COL13A1: variants seen among roughly 807,000 people sequenced by gnomAD.
COL13A1 encodes collagen alpha-1(XIII) chain.
A neutral mutation model predicts 130.9 loss-of-function variants in COL13A1; 89 were observed. The ratio of observed to expected loss-of-function variants is 0.68; its 90% CI spans 0.57 to 0.81. COL13A1 has a LOEUF of 0.81. Ranked by LOEUF, COL13A1 falls within the 30% of genes least tolerant of loss-of-function variation. The probability of loss-of-function intolerance (pLI) is 0.00; values close to 1 mark genes in which losing one functional copy is unlikely to be tolerated. For synonymous variants in COL13A1, 402 were observed against 341.6 expected (o/e 1.18, Z -1.95); for missense variants, 879 against 934.6 (o/e 0.94, Z 0.78).
At position 69,877,957 on chromosome 10, in the gene COL13A1, G is replaced by A. The variant is rs563739169; in HGVS notation, c.436-82G>A. On this transcript the variant is annotated intron_variant, in intron 5 of 40. Transcript: ENST00000645393. Reference sequence around the variant, plus strand: ...TTGTGCTATGAACATGGATTCTCGTGTGGGTGCCTCTTTCTCATCCCCTCT... The same window carrying A: ...TTGTGCTATGAACATGGATTCTCGTATGGGTGCCTCTTTCTCATCCCCTCT... 5 of 690,332 alleles carry A rather than the reference G, an allele frequency of 7.2e-6. 1 individual carries two copies. The highest frequency in any genetic ancestry group is 4.1e-5 in the Admixed American group (2 of 49,090). 42.8% of individuals were successfully genotyped at this position (690,332 alleles called of 1,614,324 possible).
At chr10:69,927,137 T>C (rs747245514) in intron 27 of COL13A1, 27 bp downstream of exon 27, 5 of 1,603,482 alleles carry the variant, frequency 3.1e-6, no homozygotes, top group East Asian at 2.2e-5. Flanking sequence ...CTGGCTTTCC[T>C]TGGGCACTGG....
At chr10:69,878,291 G>A (rs1416488009) in intron 6 of COL13A1, among the ~76,000 whole-genome samples, 6 of 152,174 alleles carry the variant, frequency 3.9e-5, no homozygotes, top group Non-Finnish European at 8.8e-5. Flanking sequence ...CAGCTGAGGA[G>A]GTCTTCCCTG....
intron 2 of COL13A1, among the ~76,000 whole-genome samples, chr10:69,836,228 T>A (rs1850015533): frequency 6.6e-6 from 1 of 152,222 alleles, no homozygotes; most frequent in African/African-American, 2.4e-5. Flanking sequence ...CAGTGGCTGC[T>A]GCAGAGACCC....
At chr10:69,931,844 G>C (rs1400796885) in intron 30 of COL13A1, among the ~76,000 whole-genome samples, 5 of 152,192 alleles carry the variant, frequency 3.3e-5, no homozygotes, top group Non-Finnish European at 7.4e-5. Context: ...TAGTTTCTGT[G>C]GGTCAGGAAT....
intron 33 of COL13A1, among the ~76,000 whole-genome samples, chr10:69,937,072 A>C (rs999952800): frequency 3.3e-5 from 5 of 152,182 alleles, no homozygotes; most frequent in Non-Finnish European, 7.3e-5. Flanking sequence ...CCCTTCACTC[A>C]TGCCGAGTAG....
chr10:69,870,860 T>G (rs1232476734), intron 3 of COL13A1, among the ~76,000 whole-genome samples: 1 of 151,314 alleles, frequency 6.6e-6, no homozygotes, highest in Non-Finnish European at 1.5e-5. Flanking sequence ...AAACAGAGCT[T>G]TGGCAAGGGT....
intron 1 of COL13A1, among the ~76,000 whole-genome samples, chr10:69,811,270 C>A (rs1348379049): frequency 2.6e-5 from 4 of 152,204 alleles, no homozygotes; most frequent in Non-Finnish European, 5.9e-5. Context: ...AGCAGGAGAA[C>A]CTTGCTGCCC....
intron 14 of COL13A1, among the ~76,000 whole-genome samples, chr10:69,899,761 A>G (rs1227736): frequency 0.99 from 151,420 of 152,302 alleles, 75,274 homozygotes; most frequent in Middle Eastern, 1. Flanking sequence ...TGGCTGGCCC[A>G]TGGCTGCCCC....
At chr10:69,871,722 G>A (rs1308059104) in intron 3 of COL13A1, among the ~76,000 whole-genome samples, 1 of 152,170 alleles carries the variant, frequency 6.6e-6, no homozygotes, top group African/African-American at 2.4e-5. Context: ...GTCTCTGGAG[G>A]GAGAAACCAA....
intron 17 of COL13A1, among the ~76,000 whole-genome samples, chr10:69,907,647 C>T (rs2062906283): frequency 6.6e-6 from 1 of 151,626 alleles, no homozygotes. Context: ...AACTAACCCA[C>T]TCTCATGATG....
At chr10:69,922,363 G>A (rs1158789333) in intron 22 of COL13A1, among the ~76,000 whole-genome samples, 1 of 152,148 alleles carries the variant, frequency 6.6e-6, no homozygotes, top group Non-Finnish European at 1.5e-5. Flanking sequence ...GGTCTGCAAA[G>A]CTTATTTAAT....
chr10:69,943,570 G>A (rs376044886), intron 35 of COL13A1, among the ~76,000 whole-genome samples: 1 of 152,160 alleles, frequency 6.6e-6, no homozygotes, highest in African/African-American at 2.4e-5. Context: ...TTCACCCCCC[G>A]ATCCAGCCAG....
intron 6 of COL13A1, 150 bp from the exon 7 acceptor site, chr10:69,880,353 G>A (rs953729426): frequency 5.4e-5 from 38 of 699,566 alleles, no homozygotes; most frequent in African/African-American, 1.9e-4. Flanking sequence ...GGCCCTCCAC[G>A]TCCCCTGGCA....
At chr10:69,919,862 G>T in intron 21 of COL13A1, 135 bp downstream of exon 21, 1 of 396,932 alleles carries the variant, frequency 2.5e-6, no homozygotes, top group Non-Finnish European at 4.4e-6. Context: ...GAGGGGAGTG[G>T]CAGGACGGCC....
chr10:69,875,006 C>T lies in COL13A1; in HGVS notation c.400-122C>T, dbSNP rs866588518. ...GATGCTTGGGCATCATACGGGATGTCGTCCCCGCTGCAAACTGGGTTAGCT... is the reference window on the plus strand; with the variant it reads ...GATGCTTGGGCATCATACGGGATGTTGTCCCCGCTGCAAACTGGGTTAGCT... On this transcript the variant is annotated intron_variant, in intron 4 of 40. Transcript: ENST00000645393. 15 of 1,151,642 alleles carry T rather than the reference C, an allele frequency of 1.3e-5. No homozygotes were observed. The Middle Eastern group carries it at 5.8e-4, about 44-fold the overall frequency. The allele number at this position is 1,151,642 out of a possible 1,614,324, so 71.3% of individuals were successfully genotyped here.
chr10:69,811,246 G>A (rs993199250), intron 1 of COL13A1, among the ~76,000 whole-genome samples: 2 of 152,012 alleles, frequency 1.3e-5, no homozygotes, highest in African/African-American at 4.8e-5. Flanking sequence ...TTTTTTATCC[G>A]CTCTTTGGGT....
At chr10:69,943,606 G>A (rs920967419) in intron 35 of COL13A1, among the ~76,000 whole-genome samples, 3 of 152,226 alleles carry the variant, frequency 2.0e-5, no homozygotes, top group Non-Finnish European at 4.4e-5. Context: ...AGTGGGGCGA[G>A]AAGGCCCCGG....
intron 39 of COL13A1, 110 bp downstream of exon 39, chr10:69,953,078 T>C: frequency 2.7e-6 from 2 of 731,686 alleles, no homozygotes; most frequent in Non-Finnish European, 4.1e-6. Context: ...TCTACACGGA[T>C]GCTACCAAAA....
intron 2 of COL13A1, among the ~76,000 whole-genome samples, chr10:69,845,968 G>T (rs1176263413): frequency 6.6e-6 from 1 of 152,240 alleles, no homozygotes; most frequent in Non-Finnish European, 1.5e-5. Context: ...TTTCCTGGAG[G>T]CAGGGACAGG....
Sources: allele counts gnomAD v4.1 joint callset (sites outside exome capture counted in the v4.1 genomes callset), GRCh38; gene constraint gnomAD v4.1.1; transcripts MANE v1.5; gene names NCBI Gene and HGNC (gene_info 2026-07-23, HGNC 2026-07-21).